AKT3: variants seen among roughly 807,000 people sequenced by gnomAD.
The protein encoded by AKT3 is AKT serine/threonine kinase 3, also known as RAC-gamma serine/threonine-protein kinase.
In AKT3, 15 loss-of-function variants were observed where a neutral mutation model predicts 65.3. The observed-to-expected ratio is 0.23, with a 90% confidence interval of 0.15 to 0.35. AKT3 has a LOEUF of 0.35. Ranked by LOEUF, AKT3 falls within the 10% of genes least tolerant of loss-of-function variation. The pLI is 1.00. For missense variants in AKT3, 243 were observed against 576.5 expected (o/e 0.42, Z 5.92); for synonymous variants, 206 against 183.8 (o/e 1.12, Z -0.98).
intron 2 of AKT3, among the ~76,000 whole-genome samples, chr1:243,758,054 C>G (rs1045633498): frequency 3.9e-5 from 6 of 152,200 alleles, no homozygotes; most frequent in African/African-American, 1.4e-4. Context: ...TGAGCCACCA[C>G]ACCCAGCTAT....
chr1:243,539,845 A>G (rs1208755768), intron 12 of AKT3, among the ~76,000 whole-genome samples: 1 of 152,188 alleles, frequency 6.6e-6, no homozygotes. Flanking sequence ...AACTTAACTT[A>G]GATGATAAAT....
At chr1:243,660,074 C>CCT in intron 4 of AKT3, among the ~76,000 whole-genome samples, 1 of 151,950 alleles carries the variant, frequency 6.6e-6, no homozygotes, top group East Asian at 1.9e-4. Context: ...CCTCCTTGTA[C>CCT]CTCTGGTAGA....
chr1:243,835,972 AC>A (rs559922821), intron 2 of AKT3, among the ~76,000 whole-genome samples: 119 of 152,290 alleles, frequency 7.8e-4, no homozygotes, highest in Non-Finnish European at 1.4e-3. Context: ...CTAAATCCTA[AC>A]AAAGGCAAAA....
intron 2 of AKT3, among the ~76,000 whole-genome samples, chr1:243,766,590 C>T (rs1689843235): frequency 6.6e-6 from 1 of 152,074 alleles, no homozygotes; most frequent in African/African-American, 2.4e-5. Flanking sequence ...ATAAACAACC[C>T]CCAATCTCCA....
chr1:243,788,150 T>G (rs1477486092), intron 2 of AKT3, among the ~76,000 whole-genome samples: 1 of 152,158 alleles, frequency 6.6e-6, no homozygotes, highest in Non-Finnish European at 1.5e-5. Context: ...GATGTACACT[T>G]TGGGAAATGG....
chr1:243,671,449 A>C (rs937615705), intron 3 of AKT3, among the ~76,000 whole-genome samples: 1 of 152,170 alleles, frequency 6.6e-6, no homozygotes, highest in Non-Finnish European at 1.5e-5. Flanking sequence ...CATAAACCAA[A>C]TTTATTTTTC....
chr1:243,577,163 T>C (rs895415669), intron 8 of AKT3, among the ~76,000 whole-genome samples: 1 of 152,164 alleles, frequency 6.6e-6, no homozygotes, highest in African/African-American at 2.4e-5. Flanking sequence ...GATTGAATGA[T>C]TGAGACAGAG....
At chr1:243,664,028 G>A (rs746369652) in intron 4 of AKT3, among the ~76,000 whole-genome samples, 2 of 151,978 alleles carry the variant, frequency 1.3e-5, no homozygotes, top group Non-Finnish European at 2.9e-5. Flanking sequence ...CCCAATCTCA[G>A]AATCCTTAGC....
intron 2 of AKT3, among the ~76,000 whole-genome samples, chr1:243,698,616 C>T (rs1035678280): frequency 1.3e-5 from 2 of 151,972 alleles, no homozygotes; most frequent in African/African-American, 4.8e-5. Context: ...ATTATGCATC[C>T]TTCAAACGTA....
chr1:243,686,592 A>G (rs1684313890), intron 3 of AKT3, among the ~76,000 whole-genome samples: 1 of 132,392 alleles, frequency 7.6e-6, no homozygotes, highest in Admixed American at 8.2e-5. Flanking sequence ...TTACGTTAAT[A>G]CTATTTGGAT....
At chr1:243,570,575 C>T (rs932586825) in intron 9 of AKT3, among the ~76,000 whole-genome samples, 2 of 152,144 alleles carry the variant, frequency 1.3e-5, no homozygotes, top group Non-Finnish European at 2.9e-5. Context: ...CAACTTAGGT[C>T]ATTACTTTTA....
At chr1:243,701,748 T>C (rs1685475914) in intron 2 of AKT3, among the ~76,000 whole-genome samples, 1 of 151,364 alleles carries the variant, frequency 6.6e-6, no homozygotes, top group African/African-American at 2.4e-5. Flanking sequence ...TGCTAGCTTT[T>C]TAAGATACCA....
chr1:243,696,465 A>G (rs189432706), intron 2 of AKT3, among the ~76,000 whole-genome samples: 6 of 152,114 alleles, frequency 3.9e-5, no homozygotes, highest in African/African-American at 1.4e-4. Flanking sequence ...CAATTTGCTT[A>G]CCTACTAAAG....
intron 1 of AKT3, among the ~76,000 whole-genome samples, chr1:243,847,167 T>C (rs902518352): frequency 5.9e-5 from 9 of 152,208 alleles, no homozygotes; most frequent in Non-Finnish European, 1.2e-4. Flanking sequence ...GTATTATTAA[T>C]GCATATTAAC....
chr1:243,508,352 G>A (rs759263402), intron 13 of AKT3, among the ~76,000 whole-genome samples: 9 of 152,240 alleles, frequency 5.9e-5, no homozygotes, highest in Non-Finnish European at 1.0e-4. Context: ...CCCCAGTGCT[G>A]AGCGCTGCGC....
At chr1:243,608,379 G>T (rs982753753) in intron 8 of AKT3, among the ~76,000 whole-genome samples, 2 of 152,196 alleles carry the variant, frequency 1.3e-5, no homozygotes, top group African/African-American at 2.4e-5. Flanking sequence ...CTAAGAAGAA[G>T]ATGCTATTGT....
At position 243,644,310 on chromosome 1, in the gene AKT3, T is replaced by C. The variant is rs188846086; in HGVS notation, c.429+1583A>G. 2.2e-4 allele frequency among the ~76,000 whole-genome samples: 33 copies of C among 152,292 alleles called. 1 individual carries two copies. Among genetic ancestry groups the C allele is most frequent in the Admixed American group, 1.4e-3 (22 of 15,290 alleles). On this transcript the variant is annotated intron_variant, in intron 5 of 13. Transcript: ENST00000673466. Reference sequence around the variant, plus strand: ...ACATTTGGATATTAGTTAATTTCAATTGATAATAAAGCTTGTAAATTCTTG... The same window carrying C: ...ACATTTGGATATTAGTTAATTTCAACTGATAATAAAGCTTGTAAATTCTTG...
chr1:243,527,870 AACACACACACACAC>A (rs56956606), intron 12 of AKT3, among the ~76,000 whole-genome samples: 2,386 of 99,136 alleles, frequency 0.024, 64 homozygotes, highest in South Asian at 0.053. Context: ...CATCTCTTAA[AACACACACACACAC>A]ACACACACAC....
intron 4 of AKT3, among the ~76,000 whole-genome samples, chr1:243,664,129 A>G (rs747895435): frequency 4.8e-4 from 72 of 148,750 alleles, no homozygotes; most frequent in Non-Finnish European, 9.1e-4. Flanking sequence ...AATTTCAAGT[A>G]TGAATACAAT....
Sources: allele counts gnomAD v4.1 joint callset (sites outside exome capture counted in the v4.1 genomes callset), GRCh38; gene constraint gnomAD v4.1.1; transcripts MANE v1.5; gene names NCBI Gene and HGNC (gene_info 2026-07-23, HGNC 2026-07-21).